GNG12: variants seen among roughly 807,000 people sequenced by gnomAD.
The protein encoded by GNG12 is guanine nucleotide-binding protein G(I)/G(S)/G(O) subunit gamma-12.
For synonymous variants in GNG12, 28 were observed against 29.7 expected (o/e 0.94, Z 0.19); for missense variants, 69 against 83.8 (o/e 0.82, Z 0.69).
chr1:67,768,304 C>G (rs1646653455), intron 2 of GNG12, among the ~76,000 whole-genome samples: 1 of 152,174 alleles, frequency 6.6e-6, no homozygotes, highest in Non-Finnish European at 1.5e-5. Context: ...AGATTTGAGG[C>G]TGGGCAGGTT....
intron 1 of GNG12, among the ~76,000 whole-genome samples, chr1:67,788,624 A>G (rs557997409): frequency 6.6e-6 from 1 of 152,294 alleles, no homozygotes; most frequent in African/African-American, 2.4e-5. Context: ...TTAAGGCATG[A>G]ACCACTGTGC....
chr1:67,752,081 ATCC>A (rs989760810), intron 2 of GNG12, among the ~76,000 whole-genome samples: 2 of 152,224 alleles, frequency 1.3e-5, no homozygotes, highest in Non-Finnish European at 2.9e-5. Context: ...AATGTGGCCC[ATCC>A]TCAATTGATT....
chr1:67,801,953 A>G (rs1328281682), intron 1 of GNG12, among the ~76,000 whole-genome samples: 1 of 146,048 alleles, frequency 6.8e-6, no homozygotes, highest in African/African-American at 2.5e-5. Flanking sequence ...AAAAGAAGGA[A>G]GGGGGGTGAG....
chr1:67,799,651 G>C (rs777144795), intron 1 of GNG12, among the ~76,000 whole-genome samples: 5 of 151,914 alleles, frequency 3.3e-5, no homozygotes, highest in Non-Finnish European at 7.4e-5. Context: ...ATCCCAAAAA[G>C]CTTTCAATTA....
intron 1 of GNG12, among the ~76,000 whole-genome samples, chr1:67,807,192 G>C (rs1338809705): frequency 5.9e-5 from 9 of 151,996 alleles, no homozygotes; most frequent in Admixed American, 5.9e-4. Context: ...TAAAATACAT[G>C]AGTCAAGGAA....
intron 1 of GNG12, among the ~76,000 whole-genome samples, chr1:67,820,154 C>T (rs111339665): frequency 5.9e-5 from 9 of 151,688 alleles, no homozygotes; most frequent in South Asian, 4.2e-4. Context: ...TTTGGGAGGC[C>T]GAGGTGGGCG....
intron 1 of GNG12, among the ~76,000 whole-genome samples, chr1:67,790,056 TATC>T (rs1266739244): frequency 6.6e-6 from 1 of 152,222 alleles, no homozygotes; most frequent in Non-Finnish European, 1.5e-5. Context: ...TCTTTTCCTG[TATC>T]ATCAAGAGAT....
chr1:67,729,517 C>G (rs543189024), intron 2 of GNG12, among the ~76,000 whole-genome samples: 1 of 152,246 alleles, frequency 6.6e-6, no homozygotes, highest in South Asian at 2.1e-4. Context: ...GTTCTATTTT[C>G]TAATCAGCAC....
At chr1:67,788,595 C>T (rs979162144) in intron 1 of GNG12, among the ~76,000 whole-genome samples, 1 of 152,126 alleles carries the variant, frequency 6.6e-6, no homozygotes, top group African/African-American at 2.4e-5. Flanking sequence ...TCTGCCTTGG[C>T]CTCCCGAAGC....
chr1:67,750,556 T>G (rs1646532846), intron 2 of GNG12, among the ~76,000 whole-genome samples: 1 of 152,236 alleles, frequency 6.6e-6, no homozygotes, highest in Admixed American at 6.5e-5. Flanking sequence ...AAATGCTTGA[T>G]GACAGACTAG....
At chr1:67,711,891 A>G (rs1490219358) in intron 2 of GNG12, among the ~76,000 whole-genome samples, 1 of 152,240 alleles carries the variant, frequency 6.6e-6, no homozygotes, top group Non-Finnish European at 1.5e-5. Context: ...ATTTCTGATC[A>G]TAACATTCTT....
intron 1 of GNG12, among the ~76,000 whole-genome samples, chr1:67,798,687 G>A (rs1007378386): frequency 6.6e-6 from 1 of 152,074 alleles, no homozygotes; most frequent in Non-Finnish European, 1.5e-5. Flanking sequence ...TGGGCACGGT[G>A]ACCCACGCCT....
Position 67,709,904 on chromosome 1 carries a change from T to TTATAGTTATA in GNG12, c.-26-2193_-26-2192insTATAACTATA, listed in dbSNP as rs1646273623. On this transcript the variant is annotated intron_variant, in intron 2 of 3. Transcript: ENST00000370982. ...TATATATATAGTTATATATATATTTTTATATAGTTATATATATAGTTATAT... is the reference window on the plus strand; with the variant it reads ...TATATATATAGTTATATATATATTTTTATAGTTATATATATAGTTATATATATAGTTATAT... Among the ~76,000 whole-genome samples, 4 of 66,630 alleles carry TTATAGTTATA rather than the reference T, an allele frequency of 6.0e-5. 1 individual carries two copies. The highest frequency in any genetic ancestry group is 2.7e-4 in the African/African-American group (4 of 14,812). The allele number at this position is 66,630 out of a possible 152,430, so 43.7% of individuals were successfully genotyped here. A position where few individuals can be genotyped will look rare whatever the true frequency, so the allele number is the denominator to read the frequency against.
At chr1:67,753,503 A>T (rs1646551087) in intron 2 of GNG12, among the ~76,000 whole-genome samples, 1 of 152,158 alleles carries the variant, frequency 6.6e-6, no homozygotes, top group South Asian at 2.1e-4. Context: ...TTACTTCATA[A>T]AGTAAGGAGT....
At chr1:67,808,644 T>C (rs1395097309) in intron 1 of GNG12, among the ~76,000 whole-genome samples, 1 of 152,146 alleles carries the variant, frequency 6.6e-6, no homozygotes, top group Non-Finnish European at 1.5e-5. Context: ...ACTGCTTTCC[T>C]ATAGACCAGT....
At chr1:67,801,083 C>T (rs1004410129) in intron 1 of GNG12, among the ~76,000 whole-genome samples, 2 of 152,022 alleles carry the variant, frequency 1.3e-5, no homozygotes, top group East Asian at 3.9e-4. Context: ...CAGAAATGGG[C>T]AGGAAACTTT....
At chr1:67,747,576 T>A (rs756317759) in intron 2 of GNG12, among the ~76,000 whole-genome samples, 1 of 152,254 alleles carries the variant, frequency 6.6e-6, no homozygotes, top group Non-Finnish European at 1.5e-5. Flanking sequence ...TAATTTTACA[T>A]GAAATTGGGC....
chr1:67,728,781 A>G (rs1364525970), intron 2 of GNG12, among the ~76,000 whole-genome samples: 4 of 152,190 alleles, frequency 2.6e-5, no homozygotes, highest in African/African-American at 9.7e-5. Context: ...GAGAGAAAAT[A>G]GTGTTAATGA....
chr1:67,726,633 A>G (rs1403030850), intron 2 of GNG12, among the ~76,000 whole-genome samples: 1 of 152,248 alleles, frequency 6.6e-6, no homozygotes, highest in East Asian at 1.9e-4. Flanking sequence ...TCCCAAATGT[A>G]TTATCTATTG....
Sources: allele counts gnomAD v4.1 joint callset (sites outside exome capture counted in the v4.1 genomes callset), GRCh38; gene constraint gnomAD v4.1.1; transcripts MANE v1.5; gene names NCBI Gene and HGNC (gene_info 2026-07-23, HGNC 2026-07-21).